SLC24A3: variants seen among roughly 807,000 people sequenced by gnomAD.
SLC24A3 encodes the protein sodium/potassium/calcium exchanger 3.
A neutral mutation model predicts 75.8 loss-of-function variants in SLC24A3; 28 were observed. The ratio of observed to expected loss-of-function variants is 0.37; its 90% CI spans 0.27 to 0.51. The LOEUF (loss-of-function observed/expected upper bound fraction) is 0.51, where lower values mean the gene tolerates loss of function less well. SLC24A3 is among the 20% of genes least tolerant of loss of function. SLC24A3 has a pLI of 0.94. For synonymous variants in SLC24A3, 372 were observed against 334.1 expected, an observed-to-expected ratio of 1.11 and a Z score of -1.24; for missense variants, 663 against 847.8, an observed-to-expected ratio of 0.78 and a Z score of 2.71.
chr20:19,417,193 A>T (rs1986841378), intron 2 of SLC24A3, among the ~76,000 whole-genome samples: 1 of 152,228 alleles, frequency 6.6e-6, no homozygotes, highest in Admixed American at 6.5e-5. Context: ...TAGCATTAAA[A>T]AATTTAATTT....
chr20:19,232,119 A>G (rs1238883499), intron 1 of SLC24A3, among the ~76,000 whole-genome samples: 2 of 148,078 alleles, frequency 1.4e-5, no homozygotes, highest in African/African-American at 5.1e-5. Context: ...TTATATAAGT[A>G]ATAATAGAAA....
At chr20:19,583,558 A>G (rs1600290054) in intron 4 of SLC24A3, among the ~76,000 whole-genome samples, 1 of 152,166 alleles carries the variant, frequency 6.6e-6, no homozygotes, top group Non-Finnish European at 1.5e-5. Flanking sequence ...ATGGAGGGGT[A>G]TAAGAAGATA....
At chr20:19,516,853 G>A (rs2030002349) in intron 3 of SLC24A3, among the ~76,000 whole-genome samples, 1 of 152,214 alleles carries the variant, frequency 6.6e-6, no homozygotes, top group South Asian at 2.1e-4. Flanking sequence ...AGGTCAGCAG[G>A]CACAGCCTGG....
intron 2 of SLC24A3, among the ~76,000 whole-genome samples, chr20:19,303,733 C>G (rs1013161): frequency 0.039 from 5,894 of 152,218 alleles, 495 homozygotes; most frequent in East Asian, 0.26. Flanking sequence ...ATGTTCTATG[C>G]AAAAGGAAGT....
At chr20:19,307,895 G>T (rs1008025133) in intron 2 of SLC24A3, among the ~76,000 whole-genome samples, 1 of 152,214 alleles carries the variant, frequency 6.6e-6, no homozygotes. Context: ...CTGCATCTGT[G>T]GTGACCCAGC....
At chr20:19,564,765 C>G (rs1357074881) in intron 3 of SLC24A3, among the ~76,000 whole-genome samples, 2 of 152,230 alleles carry the variant, frequency 1.3e-5, no homozygotes, top group African/African-American at 4.8e-5. Context: ...TGCTTTTACT[C>G]ATTCTGTTCC....
At chr20:19,513,423 A>C (rs1162285645) in intron 2 of SLC24A3, among the ~76,000 whole-genome samples, 2 of 152,232 alleles carry the variant, frequency 1.3e-5, no homozygotes, top group Non-Finnish European at 2.9e-5. Flanking sequence ...ACAGGGGCAA[A>C]GTGCAAGGTA....
chr20:19,697,102 T>C (rs2032818387), intron 14 of SLC24A3, among the ~76,000 whole-genome samples, 191 bp downstream of exon 14: 1 of 151,736 alleles, frequency 6.6e-6, no homozygotes, highest in Non-Finnish European at 1.5e-5. Flanking sequence ...CAGGCGGGCC[T>C]CTCTACCTGG....
At chr20:19,545,016 G>A (rs1417657388) in intron 3 of SLC24A3, among the ~76,000 whole-genome samples, 1 of 152,186 alleles carries the variant, frequency 6.6e-6, no homozygotes, top group Non-Finnish European at 1.5e-5. Flanking sequence ...AAGGCTATAT[G>A]GGCATATTCA....
intron 2 of SLC24A3, among the ~76,000 whole-genome samples, chr20:19,323,297 G>C (rs2122280115): frequency 6.6e-6 from 1 of 151,400 alleles, no homozygotes; most frequent in South Asian, 2.1e-4. Flanking sequence ...GTAATTATAA[G>C]CAGAATGACC....
intron 1 of SLC24A3, among the ~76,000 whole-genome samples, chr20:19,254,066 A>T (rs905694791): frequency 2.0e-5 from 3 of 152,192 alleles, no homozygotes; most frequent in Non-Finnish European, 4.4e-5. Flanking sequence ...TTTTAAGAGA[A>T]ACTGGAAATC....
At chr20:19,416,013 T>C (rs1174165670) in intron 2 of SLC24A3, among the ~76,000 whole-genome samples, 1 of 152,176 alleles carries the variant, frequency 6.6e-6, no homozygotes, top group African/African-American at 2.4e-5. Context: ...GCTTATTAGC[T>C]CTGTAAGTTT....
chr20:19,678,281 C>T (rs1439490585), intron 9 of SLC24A3, among the ~76,000 whole-genome samples: 4 of 138,530 alleles, frequency 2.9e-5, no homozygotes, highest in Admixed American at 1.4e-4. Context: ...CCAGTAGGGG[C>T]GGCCGGGCAG....
chr20:19,357,923 T>C (rs553424803), intron 2 of SLC24A3, among the ~76,000 whole-genome samples: 1 of 152,372 alleles, frequency 6.6e-6, no homozygotes, highest in East Asian at 1.9e-4. Context: ...ATGATTTTGA[T>C]ATTGAGTTTT....
intron 3 of SLC24A3, among the ~76,000 whole-genome samples, chr20:19,527,200 T>C (rs2030214762): frequency 6.6e-6 from 1 of 152,186 alleles, no homozygotes; most frequent in Non-Finnish European, 1.5e-5. Context: ...GATCTCCCTC[T>C]ACTCTAAATT....
intron 1 of SLC24A3, among the ~76,000 whole-genome samples, chr20:19,217,774 T>C (rs777989123): frequency 2.0e-5 from 3 of 152,132 alleles, no homozygotes; most frequent in Non-Finnish European, 4.4e-5. Flanking sequence ...AGGTCTATGA[T>C]TCTTCCGATC....
intron 2 of SLC24A3, among the ~76,000 whole-genome samples, chr20:19,412,277 G>T (rs571302295): frequency 2.0e-5 from 3 of 152,252 alleles, no homozygotes; most frequent in African/African-American, 7.2e-5. Flanking sequence ...GGGCTTGGTT[G>T]GGGTGGCAAG....
rs760422702 is a variant in SLC24A3 at position 19,443,414 on chromosome 20, A to T, written c.272-72074A>T. On this transcript the variant is annotated intron_variant, in intron 2 of 16. Transcript: ENST00000328041. ...ACATAGTTTATTAGATTTATACTTA[A>T]TTTTTTGTTATTTGGTGCTAATATA... 3.9e-5 allele frequency among the ~76,000 whole-genome samples: 6 copies of T among 151,916 alleles called. No homozygotes were observed. The East Asian group carries it at 1.2e-3, about 29-fold the overall frequency.
At chr20:19,628,974 A>G (rs1208732297) in intron 6 of SLC24A3, among the ~76,000 whole-genome samples, 1 of 152,178 alleles carries the variant, frequency 6.6e-6, no homozygotes, top group Non-Finnish European at 1.5e-5. Flanking sequence ...AACAACAACA[A>G]CAAACAAACA....
Sources: gnomAD v4.1 joint callset for allele counts (sites outside exome capture counted in the v4.1 genomes callset) on GRCh38, gnomAD v4.1.1 for gene constraint, MANE v1.5 for transcripts, NCBI Gene and HGNC (gene_info 2026-07-23, HGNC 2026-07-21) for gene names.